The following DNAL1 variants were observed in gnomAD, a reference collection of about 807,000 sequenced individuals.
DNAL1 encodes chromosome 14 open reading frame 168.
In DNAL1, 17 loss-of-function variants were observed where a neutral mutation model predicts 29.4. That is an observed-to-expected ratio of 0.58 (90% CI 0.40 to 0.87). The LOEUF (loss-of-function observed/expected upper bound fraction) is 0.87, where lower values mean the gene tolerates loss of function less well. DNAL1 is among the 40% of genes least tolerant of loss of function. DNAL1 has a pLI of 0.00. For missense variants in DNAL1, 188 were observed against 214.1 expected, an observed-to-expected ratio of 0.88 and a Z score of 0.76; for synonymous variants, 78 against 76.3, an observed-to-expected ratio of 1.02 and a Z score of -0.12.
Position 73,654,872 on chromosome 14 carries a change from C to T in DNAL1, c.29C>T (p.Ala10Val). 1 of 1,539,548 alleles carries T rather than the reference C, an allele frequency of 6.5e-7. No homozygotes were observed. The highest frequency in any genetic ancestry group is 8.7e-7 in the Non-Finnish European group (1 of 1,143,812). Residue 10 changes from alanine to valine, a missense_variant, in exon 2 of 8, where the codon GCC (alanine) becomes GTC (valine). By Grantham distance (64) the Ala-to-Val change is moderately conservative (BLOSUM62 0). Coordinates refer to ENST00000553645, the MANE Select transcript of DNAL1 (RefSeq NM_031427.4). Reference sequence around the variant, plus strand: ...GCGAAAGCAACAACAATCAAAGAAGCCTTAGCGAGATGGGTGAGTACATGA... The same window carrying T: ...GCGAAAGCAACAACAATCAAAGAAGTCTTAGCGAGATGGGTGAGTACATGA... MAKATTIKE[A>V]LARWEEKTGQ...
chr14:73,660,093 AT>A (rs143340050), intron 3 of DNAL1, among the ~76,000 whole-genome samples: 7 of 151,392 alleles, frequency 4.6e-5, no homozygotes, highest in African/African-American at 1.5e-4. Flanking sequence ...CACCCATCTA[AT>A]TTTTTTTGTA....
At chr14:73,667,444 A>G (rs553998047) in intron 4 of DNAL1, among the ~76,000 whole-genome samples, 1 of 152,158 alleles carries the variant, frequency 6.6e-6, no homozygotes, top group African/African-American at 2.4e-5. Context: ...CTCACACTTA[A>G]CATGTCCAAA....
chr14:73,695,375 C>T lies in DNAL1; in HGVS notation c.533-527C>T, dbSNP rs77623047. Among the ~76,000 whole-genome samples the T allele has an allele frequency of 8.1e-3, 1,227 of 151,590 alleles. 24 individuals carry two copies. Among genetic ancestry groups the T allele is most frequent in the African/African-American group, 0.028 (1,161 of 41,358 alleles). ...GCCTGGCCATAGGCATTTTTATTTGCGATTTGGCAGTTAGGGGGCTTAATA... is the reference window on the plus strand; with the variant it reads ...GCCTGGCCATAGGCATTTTTATTTGTGATTTGGCAGTTAGGGGGCTTAATA... On this transcript the variant is annotated intron_variant, in intron 7 of 7. Transcript: ENST00000553645.
intron 1 of DNAL1, among the ~76,000 whole-genome samples, chr14:73,646,717 G>A (rs973791131): frequency 6.6e-6 from 1 of 152,082 alleles, no homozygotes; most frequent in Non-Finnish European, 1.5e-5. Context: ...AGCTGAGATC[G>A]CACCACTGCA....
intron 4 of DNAL1, among the ~76,000 whole-genome samples, chr14:73,662,369 A>T (rs570131476): frequency 6.6e-6 from 1 of 152,252 alleles, no homozygotes; most frequent in South Asian, 2.1e-4. Context: ...ATTTTAATTC[A>T]TCATCCCTGT....
At position 73,703,721 on chromosome 14, in the gene DNAL1, TACTC is replaced by T. The variant is rs1892491927; in HGVS notation, c.*7782_*7785del. The T allele has an allele frequency of 6.5e-6, 1 of 152,906 alleles. No individual in the cohort carries two copies. Among genetic ancestry groups the T allele is most frequent in the African/African-American group, 2.4e-5 (1 of 41,494 alleles). The allele number at this position is 152,906 out of a possible 1,614,324, so 9.5% of individuals were successfully genotyped here. A position where few individuals can be genotyped will look rare whatever the true frequency, so the allele number is the denominator to read the frequency against. On this transcript the variant is annotated 3_prime_UTR_variant, in exon 8 of 8. Coordinates refer to ENST00000553645, the MANE Select transcript of DNAL1 (RefSeq NM_031427.4). ...ACCCAGGTGAAATAAACAGCCATGTTACTCACACAAAGCCTGTTTGGTGGTCTCT... is the reference window on the plus strand; with the variant it reads ...ACCCAGGTGAAATAAACAGCCATGTTACACAAAGCCTGTTTGGTGGTCTCT...
intron 2 of DNAL1, among the ~76,000 whole-genome samples, chr14:73,658,434 G>A (rs1329899665): frequency 6.6e-6 from 1 of 152,006 alleles, no homozygotes; most frequent in Non-Finnish European, 1.5e-5. Flanking sequence ...TCTATTCTGT[G>A]AAAAATGACA....
chr14:73,687,753 G>T (rs1892055737), intron 6 of DNAL1, among the ~76,000 whole-genome samples: 1 of 151,984 alleles, frequency 6.6e-6, no homozygotes, highest in Non-Finnish European at 1.5e-5. Context: ...GGCGCCTGTA[G>T]TCCCAGCTAC....
intron 3 of DNAL1, 68 bp downstream of exon 3, chr14:73,659,024 T>C (rs1026238121): frequency 1.8e-6 from 2 of 1,108,416 alleles, no homozygotes; most frequent in African/African-American, 1.6e-5. Context: ...ACACACAAAG[T>C]AGGAAAATAT....
rs1595235544 is a variant in DNAL1, at chr14:73,702,401, G to A, written c.*6459G>A. The A allele has an allele frequency of 6.6e-6, 1 of 152,264 alleles. No homozygotes were observed. The highest frequency in any genetic ancestry group is 2.4e-5 in the African/African-American group (1 of 41,548). The allele number at this position is 152,264 out of a possible 1,614,324, so 9.4% of individuals were successfully genotyped here. A position where few individuals can be genotyped will look rare whatever the true frequency, so the allele number is the denominator to read the frequency against. The stretch of plus-strand genomic sequence containing the variant: ...GATCTGCCCGCCACAGCCTCCCAAA[G>A]AGCTAGGATTACAGGCACGAGCCAC... On this transcript the variant is annotated 3_prime_UTR_variant, in exon 8 of 8. Transcript: ENST00000553645.
At chr14:73,678,511 C>CTTTTTTTTTTTTTTTT in intron 5 of DNAL1, among the ~76,000 whole-genome samples, 1 of 118,192 alleles carries the variant, frequency 8.5e-6, no homozygotes, top group Non-Finnish European at 1.7e-5. Context: ...AGCAGGTATT[C>CTTTTTTTTTTTTTTTT]TTTTTTTTTT....
In DNAL1 at chr14:73,703,270, T is replaced by C. The variant is rs1892480185; in HGVS notation, c.*7328T>C. 6.6e-6 allele frequency: 1 copy of C among 152,160 alleles called. No homozygotes were observed. The allele number at this position is 152,160 out of a possible 1,614,324, so 9.4% of individuals were successfully genotyped here. ...TGTCATATATATGTATTGCATTGAA[T>C]ATATATATACGCATGTAGATACATA... On this transcript the variant is annotated 3_prime_UTR_variant, in exon 8 of 8. Coordinates refer to ENST00000553645, the MANE Select transcript of DNAL1 (RefSeq NM_031427.4).
rs1340012581 is a variant in DNAL1, at chr14:73,702,804, G to A, written c.*6862G>A. 2.6e-5 allele frequency: 4 copies of A among 152,132 alleles called. No individual in the cohort carries two copies. In the East Asian group the frequency reaches 7.7e-4, roughly 29 times the overall value. The allele number at this position is 152,132 out of a possible 1,614,324, so 9.4% of individuals were successfully genotyped here. On this transcript the variant is annotated 3_prime_UTR_variant, in exon 8 of 8. Transcript: ENST00000553645. ...CTTATTCCAGTTGTTTGATTATGAGGATACATTTCTTGCTGCTGTCCTCCA... is the reference window on the plus strand; with the variant it reads ...CTTATTCCAGTTGTTTGATTATGAGAATACATTTCTTGCTGCTGTCCTCCA...
chr14:73,695,900 A>ACCTAAAAT lies in DNAL1; in HGVS notation c.533-2_533-1insCCTAAAAT. 1 of 1,577,344 alleles carries ACCTAAAAT rather than the reference A, an allele frequency of 6.3e-7. No individual in the cohort carries two copies. The highest frequency in any genetic ancestry group is 8.6e-7 in the Non-Finnish European group (1 of 1,160,166). ...CAGTAATAATTTTCTTTTTCATTTT[A>ACCTAAAAT]GGTACTCCAGTAATTAAAGGGGATG... On this transcript the variant is annotated splice_acceptor_variant, in intron 7 of 7. Coordinates refer to ENST00000553645, the MANE Select transcript of DNAL1 (RefSeq NM_031427.4). LOFTEE classifies it high-confidence loss of function.
intron 4 of DNAL1, among the ~76,000 whole-genome samples, chr14:73,670,039 T>G (rs143189839): frequency 3.0e-3 from 460 of 152,268 alleles, no homozygotes; most frequent in African/African-American, 0.011. Flanking sequence ...TACCATGGGT[T>G]ACACATTTCA....
intron 3 of DNAL1, chr14:73,659,491 T>A (rs1338724692): frequency 6.6e-6 from 1 of 152,140 alleles, no homozygotes; most frequent in Admixed American, 6.6e-5. Flanking sequence ...GTACAGTTTT[T>A]ATAATGAGTT....
At chr14:73,662,119 T>C in intron 4 of DNAL1, 77 bp downstream of exon 4, 3 of 1,275,348 alleles carry the variant, frequency 2.4e-6, no homozygotes, top group Non-Finnish European at 3.3e-6. Context: ...AATATGTAAT[T>C]CCAGAAGCTG....
chr14:73,687,173 G>A (rs985830474), intron 5 of DNAL1, 86 bp from the exon 6 acceptor site: 3 of 1,514,984 alleles, frequency 2.0e-6, no homozygotes, highest in East Asian at 4.6e-5. Flanking sequence ...AGTTCACTTT[G>A]GAAGCCATTA....
intron 5 of DNAL1, 144 bp downstream of exon 5, chr14:73,671,741 C>T (rs1395150967): frequency 1.8e-4 from 179 of 999,252 alleles, no homozygotes; most frequent in Non-Finnish European, 2.3e-4. Context: ...CTCAAGTTAC[C>T]CTTCAATAGG....
Sources: allele counts gnomAD v4.1 joint callset (sites outside exome capture counted in the v4.1 genomes callset), GRCh38; gene constraint gnomAD v4.1.1; transcripts MANE v1.5; gene names NCBI Gene and HGNC (gene_info 2026-07-23, HGNC 2026-07-21).